The following CD83 variants were observed in gnomAD, a reference collection of about 807,000 sequenced individuals.
CD83 encodes the protein CD83 molecule.
A neutral mutation model predicts 24.6 loss-of-function variants in CD83; 22 were observed. The observed-to-expected ratio is 0.90, with a 90% CI of 0.64 to 1.28. The LOEUF (loss-of-function observed/expected upper bound fraction) is 1.28, where lower values mean the gene tolerates loss of function less well. Ranked by LOEUF, CD83 falls within the 50% of genes most tolerant of loss-of-function variation. CD83 has a pLI of 0.00. For missense variants in CD83, 253 were observed against 252.8 expected, an observed-to-expected ratio of 1.00 and a Z score of -0.01; for synonymous variants, 101 against 103.5, an observed-to-expected ratio of 0.98 and a Z score of 0.14.
chr6:14,123,541 C>T (rs1759720458), intron 2 of CD83, among the ~76,000 whole-genome samples: 1 of 152,004 alleles, frequency 6.6e-6, no homozygotes, highest in African/African-American at 2.4e-5. Flanking sequence ...CCTTCTTTTC[C>T]TCTTGGTCAC....
chr6:14,134,418 T>A (rs1757995459), intron 4 of CD83, among the ~76,000 whole-genome samples: 1 of 152,158 alleles, frequency 6.6e-6, no homozygotes, highest in Non-Finnish European at 1.5e-5. Context: ...TTGATGATGG[T>A]TGTGGGAGAG....
chr6:14,134,694 T>C (rs1758001565), intron 4 of CD83, among the ~76,000 whole-genome samples: 1 of 152,224 alleles, frequency 6.6e-6, no homozygotes, highest in Non-Finnish European at 1.5e-5. Flanking sequence ...CTAGGCACTG[T>C]ACAGGGCATA....
At chr6:14,121,964 T>C (rs1409611566) in intron 2 of CD83, among the ~76,000 whole-genome samples, 5 of 152,146 alleles carry the variant, frequency 3.3e-5, no homozygotes, top group African/African-American at 1.2e-4. Context: ...AATGCCTTCT[T>C]GTATCATGCT....
chr6:14,117,937 CTCTT>C lies in CD83; in HGVS notation c.38-8_38-5del, dbSNP rs1759573906. 5 of 1,604,442 alleles carry C rather than the reference CTCTT, an allele frequency of 3.1e-6. No individual in the cohort carries two copies. The highest frequency in any genetic ancestry group is 1.3e-5 in the African/African-American group (1 of 74,730). On this transcript the variant is annotated splice_polypyrimidine_tract_variant and intron_variant, in intron 1 of 4. Coordinates refer to ENST00000379153, the MANE Select transcript of CD83 (RefSeq NM_004233.4). This position sits in a 1 kb window ranked among gnomAD's most constrained non-coding sequence, Gnocchi z 4.6. ...CGGTCGCTTGCTCACGACGCGCTCT[CTCTT>C]TCTTGTAGCCTACAGCCTGGCTCCC...
At chr6:14,135,034 T>C in intron 4 of CD83, 74 bp from the exon 5 acceptor site, 18 of 1,485,036 alleles carry the variant, frequency 1.2e-5, no homozygotes, top group Non-Finnish European at 1.7e-5. Flanking sequence ...TCTTAGTGAA[T>C]AGAGTTTAAA....
At chr6:14,119,690 A>G (rs1581325396) in intron 2 of CD83, among the ~76,000 whole-genome samples, 2 of 152,376 alleles carry the variant, frequency 1.3e-5, no homozygotes, top group Admixed American at 1.3e-4. Flanking sequence ...AGAAAATCAA[A>G]GTGCCCCTGG....
At position 14,135,289 on chromosome 6, in the gene CD83, G is replaced by T. The variant is rs547174194; in HGVS notation, c.*53G>T. ...GAAGCTGAGGCTCAGGGGTGTGCCT[G>T]TCTGTTACACTGGAGGAGAGAAGAA... On this transcript the variant is annotated 3_prime_UTR_variant, in exon 5 of 5. Transcript: ENST00000379153. 56 of 1,583,820 alleles carry T rather than the reference G, an allele frequency of 3.5e-5. No individual in the cohort carries two copies. Among genetic ancestry groups the T allele is most frequent in the Non-Finnish European group, 4.0e-5 (46 of 1,158,694 alleles).
chr6:14,129,743 C>T lies in CD83; in HGVS notation c.154-1777C>T, dbSNP rs1043483144. On this transcript the variant is annotated intron_variant, in intron 2 of 4. Coordinates refer to ENST00000379153, the MANE Select transcript of CD83 (RefSeq NM_004233.4). This position sits in a 1 kb window ranked among gnomAD's most constrained non-coding sequence, Gnocchi z 4.3. ...CCAGATGTCTCTGTAGCCCACTCTA[C>T]AGGAATGCTCACAAACACCAGGGCT... Among the ~76,000 whole-genome samples, 2 of 152,212 alleles carry T rather than the reference C, an allele frequency of 1.3e-5. No homozygotes were observed. The highest frequency in any genetic ancestry group is 1.3e-4 in the Admixed American group (2 of 15,290).
chr6:14,129,254 T>C lies in CD83; in HGVS notation c.154-2266T>C, dbSNP rs960939194. 1.5e-4 allele frequency among the ~76,000 whole-genome samples: 23 copies of C among 152,206 alleles called. No homozygotes were observed. Among genetic ancestry groups the C allele is most frequent in the Admixed American group, 1.2e-3 (18 of 15,286 alleles). On this transcript the variant is annotated intron_variant, in intron 2 of 4. Transcript: ENST00000379153. The surrounding 1 kb of genome is among the most constrained non-coding windows in gnomAD (Gnocchi z 4.3). ...CGAGCTAATTATTTCAAACTGGCCT[T>C]TCAGGCCATCCTAGACACAGATTGG...
intron 2 of CD83, among the ~76,000 whole-genome samples, chr6:14,118,482 G>A (rs1267135722): frequency 6.6e-6 from 1 of 152,156 alleles, no homozygotes; most frequent in Non-Finnish European, 1.5e-5. Context: ...CTTGTGTTTT[G>A]TGACTGTGAT....
intron 2 of CD83, among the ~76,000 whole-genome samples, chr6:14,119,775 CTATT>C (rs1474143387): frequency 3.3e-5 from 5 of 152,188 alleles, no homozygotes; most frequent in Admixed American, 3.3e-4. Context: ...CAGAGAGTAA[CTATT>C]TAATAAAGAA....
intron 2 of CD83, among the ~76,000 whole-genome samples, chr6:14,122,308 G>C (rs964406341): frequency 6.6e-6 from 1 of 152,170 alleles, no homozygotes; most frequent in East Asian, 1.9e-4. Context: ...GCTGTCTTCC[G>C]TGTATGTTGC....
At chr6:14,125,409 G>A (rs1759780434) in intron 2 of CD83, among the ~76,000 whole-genome samples, 1 of 152,240 alleles carries the variant, frequency 6.6e-6, no homozygotes, top group Non-Finnish European at 1.5e-5. Flanking sequence ...CCTGGGAGCA[G>A]AAGTGTTTCA....
intron 2 of CD83, among the ~76,000 whole-genome samples, chr6:14,121,392 G>A (rs1221907651): frequency 6.6e-6 from 1 of 151,372 alleles, no homozygotes; most frequent in Non-Finnish European, 1.5e-5. Flanking sequence ...GCCCAGGCTG[G>A]TCTCCAACTC....
Position 14,135,137 on chromosome 6 carries a change from A to C in CD83, c.519A>C (p.Pro173=), listed in dbSNP as rs1375711209. ...CKFARLQSIF[P]DFSKAGMERA... ...TTGCACGGCTACAGAGTATCTTCCC[A>C]GATTTTTCTAAAGCTGGCATGGAAC... The change falls in exon 5 of 5, where the codon CCA becomes CCC. Residue 173 remains proline (P), a synonymous_variant. Coordinates refer to ENST00000379153, the MANE Select transcript of CD83 (RefSeq NM_004233.4). 6.2e-7 allele frequency: 1 copy of C among 1,614,018 alleles called. No homozygotes were observed. The highest frequency in any genetic ancestry group is 8.5e-7 in the Non-Finnish European group (1 of 1,179,982).
At chr6:14,123,573 G>A (rs1434696499) in intron 2 of CD83, among the ~76,000 whole-genome samples, 1 of 151,958 alleles carries the variant, frequency 6.6e-6, no homozygotes, top group African/African-American at 2.4e-5. Flanking sequence ...ATGTAGTTCT[G>A]CGGAGGAGTG....
In CD83 at chr6:14,117,799, C is replaced by A. The variant is rs1249092065; in HGVS notation, c.-13C>A. On this transcript the variant is annotated 5_prime_UTR_variant, in exon 1 of 5. Coordinates refer to ENST00000379153, the MANE Select transcript of CD83 (RefSeq NM_004233.4). The surrounding 1 kb of genome is among the most constrained non-coding windows in gnomAD (Gnocchi z 4.6). ...AGCTCTGCAGCTCGTGGCAGCGGCG[C>A]AGCGCTCCAGCCATGTCGCGCGGCC... The A allele has an allele frequency of 2.0e-6, 3 of 1,522,844 alleles. No individual in the cohort carries two copies. Among genetic ancestry groups the A allele is most frequent in the Non-Finnish European group, 2.6e-6 (3 of 1,139,764 alleles). 94.3% of individuals were successfully genotyped at this position (1,522,844 alleles called of 1,614,324 possible).
chr6:14,122,758 T>G (rs1313961178), intron 2 of CD83, among the ~76,000 whole-genome samples: 3 of 152,264 alleles, frequency 2.0e-5, no homozygotes, highest in Non-Finnish European at 4.4e-5. Flanking sequence ...TTCAGATGTC[T>G]CTCATATTTA....
intron 4 of CD83, among the ~76,000 whole-genome samples, chr6:14,134,066 G>T (rs1233028402): frequency 6.6e-6 from 1 of 152,226 alleles, no homozygotes; most frequent in Non-Finnish European, 1.5e-5. Flanking sequence ...AGTGCTAGAA[G>T]TTGCAGCGCT....
Sources: allele counts gnomAD v4.1 joint callset (sites outside exome capture counted in the v4.1 genomes callset), GRCh38; gene constraint gnomAD v4.1.1; non-coding constraint Gnocchi (gnomAD v3.1); transcripts MANE v1.5; gene names NCBI Gene and HGNC (gene_info 2026-07-23, HGNC 2026-07-21).